Variants in ERICH6B observed in about 807,000 individuals in gnomAD.
ERICH6B encodes glutamate-rich protein 6B.
Under a neutral mutation model 80.0 loss-of-function variants are expected in ERICH6B, and 69 were observed. The ratio of observed to expected loss-of-function variants is 0.86; its 90% CI spans 0.71 to 1.05. The LOEUF (loss-of-function observed/expected upper bound fraction) is 1.05, where lower values mean the gene tolerates loss of function less well. Among genes scored for constraint, ERICH6B ranks in the 50% least tolerant of loss-of-function variants. ERICH6B has a pLI of 0.00. For missense variants in ERICH6B, 754 were observed against 796.1 expected (o/e 0.95, Z 0.64); for synonymous variants, 283 against 291.9 (o/e 0.97, Z 0.31).
intron 10 of ERICH6B, among the ~76,000 whole-genome samples, chr13:45,562,344 T>C (rs1874719712): frequency 6.6e-6 from 1 of 152,268 alleles, no homozygotes; most frequent in South Asian, 2.1e-4. Context: ...GGCTGAGTTT[T>C]GTTTTTTAAA....
chr13:45,589,564 A>G (rs912070363), intron 4 of ERICH6B, among the ~76,000 whole-genome samples: 32 of 151,996 alleles, frequency 2.1e-4, no homozygotes, highest in African/African-American at 7.5e-4. Flanking sequence ...TCCTCTCCCC[A>G]TTTTACAGAT....
intron 3 of ERICH6B, among the ~76,000 whole-genome samples, chr13:45,595,658 C>A (rs1876333371): frequency 6.7e-6 from 1 of 148,278 alleles, no homozygotes; most frequent in Non-Finnish European, 1.5e-5. Context: ...TAGTTTCTTT[C>A]TTTCTTTCCT....
rs946693924 is a variant in ERICH6B at position 45,597,010 on chromosome 13, G to A, written c.-5C>T. On this transcript the variant is annotated 5_prime_UTR_variant, in exon 3 of 15. Coordinates refer to ENST00000298738, the MANE Select transcript of ERICH6B (RefSeq NM_182542.3). ...CTGATTATTTTCAGCAGACATGCTG[G>A]GGAAGTCGTAGGTGGTGAACTCCTT... 2.6e-6 allele frequency: 4 copies of A among 1,536,424 alleles called. No homozygotes were observed. The Admixed American group carries it at 6.0e-5, about 23-fold the overall frequency.
intron 2 of ERICH6B, among the ~76,000 whole-genome samples, 174 bp downstream of exon 2, chr13:45,607,390 C>T (rs181250972): frequency 4.7e-4 from 72 of 152,332 alleles, no homozygotes; most frequent in Admixed American, 4.7e-3. Flanking sequence ...ATTGAAAATG[C>T]TGTTTCTGTA....
intron 5 of ERICH6B, among the ~76,000 whole-genome samples, chr13:45,584,064 C>T (rs9595344): frequency 0.19 from 28,900 of 152,182 alleles, 3,117 homozygotes; most frequent in South Asian, 0.39. Context: ...CATGATCTGA[C>T]CTTGAATCAG....
intron 11 of ERICH6B, among the ~76,000 whole-genome samples, chr13:45,552,290 T>C (rs1285085308): frequency 6.6e-6 from 1 of 152,172 alleles, no homozygotes; most frequent in Non-Finnish European, 1.5e-5. Context: ...AAAGGGTGTG[T>C]GTCCTCTAAT....
intron 4 of ERICH6B, among the ~76,000 whole-genome samples, chr13:45,588,391 A>G (rs924869445): frequency 2.0e-5 from 3 of 152,166 alleles, no homozygotes; most frequent in African/African-American, 7.2e-5. Context: ...GTCCCTGAGC[A>G]AGTGGCCAGA....
At chr13:45,594,344 C>G (rs1334857569) in intron 3 of ERICH6B, among the ~76,000 whole-genome samples, 1 of 152,156 alleles carries the variant, frequency 6.6e-6, no homozygotes, top group South Asian at 2.1e-4. Context: ...GCTTTATACA[C>G]AGTTCCATTC....
intron 1 of ERICH6B, among the ~76,000 whole-genome samples, chr13:45,610,218 T>C (rs1949891640): frequency 6.6e-6 from 1 of 152,128 alleles, no homozygotes; most frequent in Non-Finnish European, 1.5e-5. Context: ...TTCAGGTTTT[T>C]TTCATGTCTG....
At position 45,596,826 on chromosome 13, in the gene ERICH6B, C is replaced by G. The variant is rs1236072053; in HGVS notation, c.180G>C (p.Glu60Asp). 1.3e-6 allele frequency: 2 copies of G among 1,551,836 alleles called. No individual in the cohort carries two copies. Among genetic ancestry groups the G allele is most frequent in the South Asian group, 2.4e-5 (2 of 84,060 alleles). The change falls in exon 3 of 15, where the codon GAG (glutamate) becomes GAC (aspartate). Residue 60 changes from glutamate (E) to aspartate (D), a missense_variant. By Grantham distance (45) the Glu-to-Asp change is conservative (BLOSUM62 2). Coordinates refer to ENST00000298738, the MANE Select transcript of ERICH6B (RefSeq NM_182542.3). ...SPEGESLEDK[E>D]YLEEEEDLEE... ...CCAGATCCTCTTCCTCCTCCAGATACTCTTTGTCCTCCAGAGACTCTCCCT... is the reference window on the plus strand; with the variant it reads ...CCAGATCCTCTTCCTCCTCCAGATAGTCTTTGTCCTCCAGAGACTCTCCCT...
intron 8 of ERICH6B, 125 bp downstream of exon 8, chr13:45,574,717 T>C: frequency 2.8e-6 from 2 of 702,884 alleles, no homozygotes; most frequent in South Asian, 3.4e-5. Context: ...CTGGGATATA[T>C]GAAGCAAAAA....
intron 4 of ERICH6B, 40 bp from the exon 5 acceptor site, chr13:45,587,272 G>A (rs748829196): frequency 4.5e-6 from 7 of 1,545,408 alleles, no homozygotes; most frequent in South Asian, 1.2e-5. Flanking sequence ...TTCCAGACAG[G>A]GGCCAGGTCA....
chr13:45,609,055 A>G (rs1028735472), intron 1 of ERICH6B, among the ~76,000 whole-genome samples: 12 of 152,176 alleles, frequency 7.9e-5, no homozygotes, highest in African/African-American at 2.9e-4. Context: ...TGCCATCACC[A>G]TCGTCAAATC....
chr13:45,590,230 T>G (rs1593322341), intron 4 of ERICH6B, among the ~76,000 whole-genome samples: 2 of 151,660 alleles, frequency 1.3e-5, no homozygotes, highest in East Asian at 3.9e-4. Context: ...CACAAGATTT[T>G]AATGAGTATT....
chr13:45,568,677 T>C lies in ERICH6B; in HGVS notation c.1051-226A>G, dbSNP rs117879908. On this transcript the variant is annotated intron_variant, in intron 8 of 14. Coordinates refer to ENST00000298738, the MANE Select transcript of ERICH6B (RefSeq NM_182542.3). Reference sequence around the variant, plus strand: ...GGCTGATCTGTGCAGCAAACCACCATGGCACACGTTTACCTGTGTAACAAA... The same window carrying C: ...GGCTGATCTGTGCAGCAAACCACCACGGCACACGTTTACCTGTGTAACAAA... Among the ~76,000 whole-genome samples the C allele has an allele frequency of 5.8e-3, 885 of 152,284 alleles. 23 individuals carry two copies. Among genetic ancestry groups the C allele is most frequent in the Admixed American group, 0.044 (679 of 15,282 alleles).
intron 4 of ERICH6B, among the ~76,000 whole-genome samples, chr13:45,589,082 C>G (rs1288768256): frequency 6.6e-6 from 1 of 152,172 alleles, no homozygotes; most frequent in Non-Finnish European, 1.5e-5. Flanking sequence ...TATCCTTCCC[C>G]AACCCTTGCC....
At position 45,544,241 on chromosome 13, in the gene ERICH6B, T is replaced by C. The variant is rs548198525; in HGVS notation, c.1872+519A>G. On this transcript the variant is annotated intron_variant, in intron 14 of 14. Transcript: ENST00000298738. ...GCGTGAGCCACTGGGATCAGCTAAA[T>C]TTTTTGTATTTTTAGAAGAGACGGG... Among the ~76,000 whole-genome samples, 1,258 of 152,236 alleles carry C rather than the reference T, an allele frequency of 8.3e-3. 18 individuals are homozygous for C. Among genetic ancestry groups the C allele is most frequent in the African/African-American group, 0.028 (1,168 of 41,548 alleles).
intron 7 of ERICH6B, 135 bp from the exon 8 acceptor site, chr13:45,575,065 G>C: frequency 1.6e-6 from 1 of 619,842 alleles, no homozygotes; most frequent in South Asian, 2.1e-5. Flanking sequence ...CATCATCAAT[G>C]AGATGTTAAA....
At chr13:45,581,599 A>G (rs1310470087) in intron 5 of ERICH6B, among the ~76,000 whole-genome samples, 1 of 151,918 alleles carries the variant, frequency 6.6e-6, no homozygotes, top group Non-Finnish European at 1.5e-5. Flanking sequence ...CTGGTCTCGA[A>G]CTCCTGACCT....
Sources: allele counts gnomAD v4.1 joint callset (sites outside exome capture counted in the v4.1 genomes callset), GRCh38; gene constraint gnomAD v4.1.1; transcripts MANE v1.5; gene names NCBI Gene and HGNC (gene_info 2026-07-23, HGNC 2026-07-21).